Variants in KCNH5 observed in about 807,000 individuals in gnomAD.
KCNH5 encodes voltage-gated delayed rectifier potassium channel KCNH5.
In KCNH5, 46 loss-of-function variants were observed where a neutral mutation model predicts 96.1. That is an observed-to-expected ratio of 0.48 (90% confidence interval 0.38 to 0.61). KCNH5 has a LOEUF of 0.61. Among genes scored for constraint, KCNH5 ranks in the 20% least tolerant of loss-of-function variants. The probability of loss-of-function intolerance (pLI) is 0.00; values close to 1 mark genes in which losing one functional copy is unlikely to be tolerated. For synonymous variants in KCNH5, 439 were observed against 449.8 expected, an observed-to-expected ratio of 0.98 and a Z score of 0.30; for missense variants, 907 against 1,225.8, an observed-to-expected ratio of 0.74 and a Z score of 3.88.
intron 7 of KCNH5, among the ~76,000 whole-genome samples, chr14:62,936,674 CAAAAAAAAAAA>C (rs3080873): frequency 2.5e-5 from 3 of 119,756 alleles, no homozygotes; most frequent in Non-Finnish European, 3.5e-5. Context: ...GACCCTGCCT[CAAAAAAAAAAA>C]AAAAAAAAAA....
intron 8 of KCNH5, among the ~76,000 whole-genome samples, chr14:62,843,703 C>T (rs969947312): frequency 2.0e-5 from 3 of 152,158 alleles, no homozygotes; most frequent in Admixed American, 6.5e-5. Context: ...AGCCACTGAG[C>T]CCGGCCCCTA....
At chr14:62,873,334 C>A (rs1176957334) in intron 7 of KCNH5, among the ~76,000 whole-genome samples, 1 of 152,098 alleles carries the variant, frequency 6.6e-6, no homozygotes, top group Non-Finnish European at 1.5e-5. Flanking sequence ...ACATGAAGGA[C>A]AGCTCTTTAT....
At chr14:62,950,923 T>C (rs1266821636) in intron 6 of KCNH5, among the ~76,000 whole-genome samples, 1 of 152,182 alleles carries the variant, frequency 6.6e-6, no homozygotes, top group African/African-American at 2.4e-5. Flanking sequence ...AATTCAGACC[T>C]TTTATTTCCT....
intron 7 of KCNH5, among the ~76,000 whole-genome samples, chr14:62,851,887 C>CT (rs1174721226): frequency 6.6e-6 from 1 of 152,042 alleles, no homozygotes; most frequent in Non-Finnish European, 1.5e-5. Flanking sequence ...CACATTTCAT[C>CT]TTTTAGGGTA....
chr14:62,818,861 G>T (rs1455097289), intron 8 of KCNH5, among the ~76,000 whole-genome samples: 1 of 152,126 alleles, frequency 6.6e-6, no homozygotes, highest in African/African-American at 2.4e-5. Context: ...GAAGATCCAT[G>T]TCAAAATAAT....
chr14:62,868,169 T>C (rs4902193), intron 7 of KCNH5, among the ~76,000 whole-genome samples: 18,746 of 152,268 alleles, frequency 0.12, 1,331 homozygotes, highest in East Asian at 0.27. Context: ...TCTGATGTCA[T>C]GTGGTAGCTA....
chr14:62,910,396 A>T (rs775394360), intron 7 of KCNH5, among the ~76,000 whole-genome samples: 3 of 152,220 alleles, frequency 2.0e-5, no homozygotes, highest in Non-Finnish European at 4.4e-5. Context: ...AAGGAAAAAA[A>T]TATTAATAAA....
At chr14:62,798,882 T>C (rs1886592414) in intron 9 of KCNH5, among the ~76,000 whole-genome samples, 1 of 152,152 alleles carries the variant, frequency 6.6e-6, no homozygotes, top group Non-Finnish European at 1.5e-5. Context: ...TCTAATTAAT[T>C]TTAAAATAAC....
At chr14:62,770,575 T>A (rs1371099685) in intron 10 of KCNH5, among the ~76,000 whole-genome samples, 1 of 152,236 alleles carries the variant, frequency 6.6e-6, no homozygotes, top group Non-Finnish European at 1.5e-5. Flanking sequence ...TGTACCTCTA[T>A]GTTCTGTTTT....
At chr14:62,799,625 GACTGAGTC>G (rs1351374337) in intron 9 of KCNH5, among the ~76,000 whole-genome samples, 2 of 110,494 alleles carry the variant, frequency 1.8e-5, no homozygotes, top group Non-Finnish European at 3.8e-5. Flanking sequence ...AAGTTATAAA[GACTGAGTC>G]AACTTAATAA....
chr14:62,846,795 T>G (rs1566680182), intron 8 of KCNH5, among the ~76,000 whole-genome samples: 1 of 102,082 alleles, frequency 9.8e-6, no homozygotes, highest in Non-Finnish European at 2.0e-5. Context: ...GTATCTTTTT[T>G]TTTTTTTTTT....
At chr14:62,710,462 A>C (rs1158425913) in intron 10 of KCNH5, among the ~76,000 whole-genome samples, 2 of 152,220 alleles carry the variant, frequency 1.3e-5, no homozygotes, top group African/African-American at 2.4e-5. Context: ...CTAAGTCTTC[A>C]AGATATGAAC....
At chr14:62,928,505 G>A (rs547511826) in intron 7 of KCNH5, among the ~76,000 whole-genome samples, 21 of 152,046 alleles carry the variant, frequency 1.4e-4, no homozygotes, top group African/African-American at 4.3e-4. Flanking sequence ...TTAATTTATC[G>A]GGTTTTCACA....
chr14:62,882,075 G>A (rs1888503268), intron 7 of KCNH5, among the ~76,000 whole-genome samples: 1 of 137,848 alleles, frequency 7.3e-6, no homozygotes, highest in South Asian at 2.3e-4. Flanking sequence ...ACCAGCCTGG[G>A]CTAACATAGA....
intron 4 of KCNH5, among the ~76,000 whole-genome samples, chr14:62,992,119 G>A (rs1310815181): frequency 1.3e-5 from 2 of 151,846 alleles, no homozygotes; most frequent in East Asian, 1.9e-4. Context: ...TTAAGATAAC[G>A]GATTCCAATT....
At chr14:62,886,557 G>A (rs1000992389) in intron 7 of KCNH5, among the ~76,000 whole-genome samples, 2 of 152,262 alleles carry the variant, frequency 1.3e-5, no homozygotes, top group Admixed American at 6.5e-5. Flanking sequence ...AAGGTAAAGT[G>A]AATATTTCTC....
chr14:62,797,713 T>C (rs1449666580), intron 9 of KCNH5, among the ~76,000 whole-genome samples: 2 of 150,270 alleles, frequency 1.3e-5, no homozygotes, highest in African/African-American at 4.9e-5. Context: ...AATGCACACG[T>C]TTATAATTTT....
At chr14:62,863,431 A>G (rs943253897) in intron 7 of KCNH5, among the ~76,000 whole-genome samples, 2 of 152,316 alleles carry the variant, frequency 1.3e-5, no homozygotes, top group Admixed American at 6.5e-5. Flanking sequence ...ATGGCTAATC[A>G]CAAGGTGAAA....
chr14:62,728,748 G>A (rs1884989351), intron 10 of KCNH5, among the ~76,000 whole-genome samples: 1 of 152,112 alleles, frequency 6.6e-6, no homozygotes, highest in African/African-American at 2.4e-5. Context: ...TTATATGATG[G>A]TTGCTGGATC....
Sources: allele counts gnomAD v4.1 joint callset (sites outside exome capture counted in the v4.1 genomes callset), GRCh38; gene constraint gnomAD v4.1.1; transcripts MANE v1.5; gene names NCBI Gene and HGNC (gene_info 2026-07-23, HGNC 2026-07-21).